SP6: variants seen among roughly 807,000 people sequenced by gnomAD.
SP6 encodes transcription factor Sp6.
A neutral mutation model predicts 23.4 loss-of-function variants in SP6; 10 were observed. The observed-to-expected ratio is 0.43, with a 90% CI of 0.26 to 0.72. The LOEUF (loss-of-function observed/expected upper bound fraction) is 0.72. SP6 is among the 30% of genes least tolerant of loss of function. The pLI is 0.23. For missense variants in SP6, 482 were observed against 523.8 expected (o/e 0.92, Z 0.78); for synonymous variants, 238 against 238.7 (o/e 1.00, Z 0.03).
upstream of SP6, among the ~76,000 whole-genome samples, chr17:47,853,307 G>A (rs977566958): frequency 1.3e-5 from 2 of 152,164 alleles, no homozygotes; most frequent in African/African-American, 4.8e-5. Flanking sequence ...CTTCATCAAC[G>A]CAGCTTTGTC....
upstream of SP6, among the ~76,000 whole-genome samples, chr17:47,851,738 C>T (rs915524170): frequency 6.7e-5 from 10 of 148,910 alleles, no homozygotes; most frequent in South Asian, 2.2e-4. Flanking sequence ...CCCTGCCTCA[C>T]CCCCCGCACC....
At chr17:47,858,794 T>TTTTTTTG (rs2034016085), upstream of SP6, among the ~76,000 whole-genome samples, 1 of 121,506 alleles carries the variant, frequency 8.2e-6, no homozygotes, top group Non-Finnish European at 1.7e-5. Context: ...TTTTTTTTTT[T>TTTTTTTG]GAGACAGTCT....
Position 47,848,201 on chromosome 17 carries a change from T to G in SP6, c.229A>C (p.Thr77Pro). Residue 77 changes from threonine (T) to proline (P), a missense_variant, in exon 2 of 2, where the codon ACC becomes CCC. Thr to Pro is a conservative substitution (Grantham distance 38, BLOSUM62 -1). Transcript: ENST00000536300. The surrounding 1 kb of genome is among the most constrained non-coding windows in gnomAD (Gnocchi z 5.3). Reference protein sequence around the residue: ...YELPGASSRVTCEDLESDSPL... With the variant: ...YELPGASSRVPCEDLESDSPL... ...CTGTCGCTTTCCAGGTCCTCGCAGGTTACCCGCGAGGAGGCCCCTGGCAGC... is the reference window on the plus strand; with the variant it reads ...CTGTCGCTTTCCAGGTCCTCGCAGGGTACCCGCGAGGAGGCCCCTGGCAGC... 6.2e-7 allele frequency: 1 copy of G among 1,612,984 alleles called. No individual in the cohort carries two copies. The highest frequency in any genetic ancestry group is 1.7e-5 in the Admixed American group (1 of 60,022).
chr17:47,866,643 C>T, the SP6 span, among the ~76,000 whole-genome samples: 3 of 152,174 alleles, frequency 2.0e-5, no homozygotes, highest in African/African-American at 2.4e-5. Flanking sequence ...GGGATCGCAT[C>T]CGCGGCCTGA....
upstream of SP6, among the ~76,000 whole-genome samples, chr17:47,859,180 G>A (rs574397043): frequency 7.8e-4 from 118 of 152,126 alleles, no homozygotes; most frequent in Admixed American, 1.3e-3. Flanking sequence ...CTTCACCTAC[G>A]CAGTCTTCTC....
At position 47,848,634 on chromosome 17, in the gene SP6, G is replaced by A. The variant is rs1412598131; in HGVS notation, c.-57-148C>T. ...ATGAGTTTAGAGAATTCGGGAGTGC[G>A]AGGAAGGGTCCAAGATGTGAGGTTC... On this transcript the variant is annotated intron_variant, in intron 1 of 1. Coordinates refer to ENST00000536300, the MANE Select transcript of SP6 (RefSeq NM_001258248.2). The surrounding 1 kb of genome is among the most constrained non-coding windows in gnomAD (Gnocchi z 5.3). The A allele has an allele frequency of 1.9e-6, 1 of 537,250 alleles. No individual in the cohort carries two copies. The highest frequency in any genetic ancestry group is 3.3e-6 in the Non-Finnish European group (1 of 303,062). 33.3% of individuals were successfully genotyped at this position (537,250 alleles called of 1,614,324 possible). A position where few individuals can be genotyped will look rare whatever the true frequency, so the allele number is the denominator to read the frequency against.
chr17:47,857,994 G>A (rs1263320642), upstream of SP6, among the ~76,000 whole-genome samples: 7 of 146,840 alleles, frequency 4.8e-5, no homozygotes, highest in Non-Finnish European at 8.9e-5. Flanking sequence ...TGATGTTGCC[G>A]CTGCCTGCAC....
chr17:47,875,672 T>C, the SP6 span, among the ~76,000 whole-genome samples: 1 of 152,354 alleles, frequency 6.6e-6, no homozygotes, highest in African/African-American at 2.4e-5. Flanking sequence ...TTTCCTGAGA[T>C]GGACATTCAG....
chr17:47,858,973 C>T (rs2034017185), upstream of SP6, among the ~76,000 whole-genome samples: 1 of 151,932 alleles, frequency 6.6e-6, no homozygotes, highest in African/African-American at 2.4e-5. Context: ...CGGAGTTTCA[C>T]CACGTTGACC....
Position 47,848,226 on chromosome 17 carries a change from C to T in SP6, c.204G>A (p.Glu68=). 6.2e-7 allele frequency: 1 copy of T among 1,612,324 alleles called. No homozygotes were observed. Among genetic ancestry groups the T allele is most frequent in the Non-Finnish European group, 8.5e-7 (1 of 1,179,404 alleles). Residue 68 remains glutamate (E), a synonymous_variant, in exon 2 of 2, where the codon GAG becomes GAA. Coordinates refer to ENST00000536300, the MANE Select transcript of SP6 (RefSeq NM_001258248.2). This position sits in a 1 kb window ranked among gnomAD's most constrained non-coding sequence, Gnocchi z 5.3. The part of the protein sequence containing the change: ...GPEVDFSQGY[E]LPGASSRVTC... ...TTACCCGCGAGGAGGCCCCTGGCAG[C>T]TCATAGCCCTGCGAGAAGTCCACCT...
chr17:47,868,994 G>A, the SP6 span, among the ~76,000 whole-genome samples: 1 of 152,370 alleles, frequency 6.6e-6, no homozygotes, highest in South Asian at 2.1e-4. Flanking sequence ...CCAGAGCCGG[G>A]CTGTCTGAGT....
At chr17:47,859,874 G>A (rs1014380586), upstream of SP6, among the ~76,000 whole-genome samples, 2 of 152,158 alleles carry the variant, frequency 1.3e-5, no homozygotes, top group South Asian at 2.1e-4. Context: ...GAGCAAGGGC[G>A]GTAAGTGGAG....
Position 47,848,583 on chromosome 17 carries a change from G to A in SP6, c.-57-97C>T. 1 of 672,352 alleles carries A rather than the reference G, an allele frequency of 1.5e-6. No homozygotes were observed. The highest frequency in any genetic ancestry group is 2.1e-5 in the South Asian group (1 of 46,978). The allele number at this position is 672,352 out of a possible 1,614,324, so 41.6% of individuals were successfully genotyped here. ...TCTCTGGCCCCAGGTGTAAAAGAAG[G>A]ATGCACCTCTGAACGAGGACTAGAG... On this transcript the variant is annotated intron_variant, in intron 1 of 1. Transcript: ENST00000536300. This position sits in a 1 kb window ranked among gnomAD's most constrained non-coding sequence, Gnocchi z 5.3.
chr17:47,873,622 G>A, the SP6 span, among the ~76,000 whole-genome samples: 1 of 152,098 alleles, frequency 6.6e-6, no homozygotes, highest in South Asian at 2.1e-4. Flanking sequence ...CTATCTCTGG[G>A]AAAAAAGGCT....
the SP6 span, among the ~76,000 whole-genome samples, chr17:47,868,437 T>C: frequency 1.3e-5 from 2 of 152,172 alleles, no homozygotes; most frequent in Non-Finnish European, 2.9e-5. Flanking sequence ...ACCCAAGTCT[T>C]GGAAGCCACT....
At chr17:47,863,584 T>G in the SP6 span, among the ~76,000 whole-genome samples, 1 of 147,648 alleles carries the variant, frequency 6.8e-6, no homozygotes, top group Non-Finnish European at 1.5e-5. Context: ...TTTTTTTTTT[T>G]TGAGACAGAG....
chr17:47,847,490 A>C lies in SP6; in HGVS notation c.940T>G (p.Phe314Val). The change falls in exon 2 of 2, where the codon TTC becomes GTC. Residue 314 changes from phenylalanine (F) to valine (V), a missense_variant. Phe to Val is a conservative substitution (Grantham distance 50). Around this residue, in one of 3 missense-constraint regions of SP6, gnomAD observed 101 missense variants for 99.3 expected, o/e 1.02. Coordinates refer to ENST00000536300, the MANE Select transcript of SP6 (RefSeq NM_001258248.2). ...HLQTHTGTKKFPCAVCSRVFM... is the reference protein window; with the variant it reads ...HLQTHTGTKKVPCAVCSRVFM... ...ACGCGGCTGCAGACTGCACAGGGGA[A>C]CTTCTTGGTGCCGGTGTGGGTCTGG... The C allele has an allele frequency of 4.3e-6, 7 of 1,613,594 alleles. No homozygotes were observed. The highest frequency in any genetic ancestry group is 5.9e-6 in the Non-Finnish European group (7 of 1,179,896).
At chr17:47,856,861 C>A (rs977952303), upstream of SP6, among the ~76,000 whole-genome samples, 1 of 151,994 alleles carries the variant, frequency 6.6e-6, no homozygotes, top group African/African-American at 2.4e-5. Context: ...TGCTACCTCC[C>A]TCCCAGGATG....
At chr17:47,852,332 T>A (rs1253865457), upstream of SP6, among the ~76,000 whole-genome samples, 2 of 152,070 alleles carry the variant, frequency 1.3e-5, no homozygotes, top group Non-Finnish European at 2.9e-5. Context: ...GGTAGGGAAG[T>A]TCCGTCCTCC....
Sources: gnomAD v4.1 joint callset for allele counts (sites outside exome capture counted in the v4.1 genomes callset) on GRCh38, gnomAD v4.1.1 for gene constraint, gnomAD v4.1.1 regional missense constraint, Gnocchi (gnomAD v3.1) non-coding constraint, MANE v1.5 for transcripts, NCBI Gene and HGNC (gene_info 2026-07-23, HGNC 2026-07-21) for gene names.